AHNAK2: variants seen among roughly 807,000 people sequenced by gnomAD.
The protein encoded by AHNAK2 is AHNAK nucleoprotein 2.
AHNAK2 carries 18 observed loss-of-function variants against 30.7 expected under a neutral mutation model. The observed-to-expected ratio is 0.59, with a 90% CI of 0.41 to 0.87. The LOEUF is 0.87. Ranked by LOEUF, AHNAK2 falls within the 40% of genes least tolerant of loss-of-function variation. The pLI, the probability that AHNAK2 is intolerant of heterozygous loss-of-function variation, is 0.00. For missense variants in AHNAK2, 8,604 were observed against 7,373.0 expected, an observed-to-expected ratio of 1.17 and a Z score of -6.11; for synonymous variants, 3,590 against 3,073.8, an observed-to-expected ratio of 1.17 and a Z score of -5.56.
At chr14:104,976,297 G>T (rs983093951) in intron 1 of AHNAK2, among the ~76,000 whole-genome samples, 3 of 152,178 alleles carry the variant, frequency 2.0e-5, no homozygotes, top group Non-Finnish European at 4.4e-5. Flanking sequence ...GGGCAGCCTC[G>T]GCACAAAAGC....
chr14:104,960,191 T>C (rs912554569), intron 1 of AHNAK2, among the ~76,000 whole-genome samples: 2 of 152,186 alleles, frequency 1.3e-5, no homozygotes, highest in Non-Finnish European at 2.9e-5. Context: ...ATAGATACAG[T>C]ATATACGTGA....
Position 104,948,457 on chromosome 14 carries a change from C to G in AHNAK2, c.6994G>C (p.Ala2332Pro). 6.2e-7 allele frequency: 1 copy of G among 1,610,740 alleles called. No individual in the cohort carries two copies. Among genetic ancestry groups the G allele is most frequent in the Non-Finnish European group, 8.5e-7 (1 of 1,178,568 alleles). The stretch of plus-strand genomic sequence containing the variant: ...GAGGCCTCGATGGACTTGCCAAGGG[C>G]AGACACCCCAAACGACAGCATCTTG... The part of the protein sequence containing the change: ...KFKMLSFGVS[A>P]LGKSIEASAD... Residue 2332 changes from alanine (A) to proline (P), a missense_variant, in exon 7 of 7, where the codon GCC becomes CCC. Physicochemically the swap from Ala to Pro is conservative, Grantham distance 27. Coordinates refer to ENST00000333244, the MANE Select transcript of AHNAK2 (RefSeq NM_138420.4).
chr14:104,957,376 TG>T (rs35009815), intron 3 of AHNAK2, 33 bp downstream of exon 3: 2 of 1,541,398 alleles, frequency 1.3e-6, no homozygotes, highest in Non-Finnish European at 1.8e-6. Context: ...GGAGGAGACC[TG>T]GGTGCCTGTG....
rs770434550 is a variant in AHNAK2, at chr14:104,942,999, G to A, written c.12452C>T (p.Ser4151Phe). Residue 4151 changes from serine to phenylalanine, a missense_variant, in exon 7 of 7, where the codon TCC becomes TTC. Ser to Phe is a radical substitution (Grantham distance 155). Coordinates refer to ENST00000333244, the MANE Select transcript of AHNAK2 (RefSeq NM_138420.4). ...AGACACATCCACGGACGCCTCCATG[G>A]ACTTGCCTGGGGCCGACACCCCGAA... ...PSFGVSAPGK[S>F]MEASVDVSEL... 19 of 1,613,150 alleles carry A rather than the reference G, an allele frequency of 1.2e-5. No individual in the cohort carries two copies. Among genetic ancestry groups the A allele is most frequent in the Non-Finnish European group, 4.2e-6 (5 of 1,179,602 alleles).
chr14:104,973,370 C>T (rs1295062857), intron 1 of AHNAK2, among the ~76,000 whole-genome samples: 1 of 152,210 alleles, frequency 6.6e-6, no homozygotes, highest in Non-Finnish European at 1.5e-5. Context: ...TGAAGCTCGG[C>T]ATTCTCAGGG....
chr14:104,972,586 C>T (rs1301352366), intron 1 of AHNAK2, among the ~76,000 whole-genome samples: 2 of 152,182 alleles, frequency 1.3e-5, no homozygotes, highest in African/African-American at 4.8e-5. Flanking sequence ...CTGGCCACAG[C>T]GCTGGCCACG....
chr14:104,944,503 C>A lies in AHNAK2; in HGVS notation c.10948G>T (p.Val3650Leu), dbSNP rs764655137. The A allele has an allele frequency of 1.2e-6, 2 of 1,613,058 alleles. No individual in the cohort carries two copies. Among genetic ancestry groups the A allele is most frequent in the South Asian group, 1.1e-5 (1 of 91,020 alleles). ...MPKFKMPSFR[V>L]SAPGKSMEAS... ...TCCATGGACTTCCCTGGGGCCGATA[C>A]CCTGAATGACGGCATCTTGAATTTG... Residue 3650 changes from valine to leucine, a missense_variant, in exon 7 of 7, where the codon GTA (valine) becomes TTA (leucine). Val to Leu is a conservative substitution (Grantham distance 32). Coordinates refer to ENST00000333244, the MANE Select transcript of AHNAK2 (RefSeq NM_138420.4).
chr14:104,944,294 C>G lies in AHNAK2; in HGVS notation c.11157G>C (p.Glu3719Asp), dbSNP rs113647701. 4.3e-6 allele frequency: 7 copies of G among 1,611,098 alleles called. No individual in the cohort carries two copies. Among genetic ancestry groups the G allele is most frequent in the Non-Finnish European group, 5.9e-6 (7 of 1,178,818 alleles). The change falls in exon 7 of 7, where the codon GAG becomes GAC. Residue 3719 changes from glutamate (E) to aspartate (D), a missense_variant. Coordinates refer to ENST00000333244, the MANE Select transcript of AHNAK2 (RefSeq NM_138420.4). Reference sequence around the variant, plus strand: ...TGGGCATCTCCACCTTGGGCAGGTGCTCTTTGAGGCCGGCTCCCTCGGGCA... The same window carrying G: ...TGGGCATCTCCACCTTGGGCAGGTGGTCTTTGAGGCCGGCTCCCTCGGGCA... ...GQVPEGAGLKEHLPKVEMPSL... is the reference protein window; with the variant it reads ...GQVPEGAGLKDHLPKVEMPSL...
chr14:104,955,242 G>T, intron 5 of AHNAK2, 101 bp from the exon 6 acceptor site: 1 of 1,407,312 alleles, frequency 7.1e-7, no homozygotes, highest in South Asian at 1.3e-5. Context: ...CATGAATAGG[G>T]GGAATCCCAC....
Position 104,942,998 on chromosome 14 carries a change from G to A in AHNAK2, c.12453C>T (p.Ser4151=). Residue 4151 remains serine, a synonymous_variant, in exon 7 of 7, where the codon TCC becomes TCT. Transcript: ENST00000333244. ...CAGACACATCCACGGACGCCTCCAT[G>A]GACTTGCCTGGGGCCGACACCCCGA... ...PSFGVSAPGK[S]MEASVDVSEL... 1 of 1,613,264 alleles carries A rather than the reference G, an allele frequency of 6.2e-7. No individual in the cohort carries two copies. The highest frequency in any genetic ancestry group is 8.5e-7 in the Non-Finnish European group (1 of 1,179,622).
chr14:104,948,450 C>G lies in AHNAK2; in HGVS notation c.7001G>C (p.Gly2334Ala). The G allele has an allele frequency of 6.2e-7, 1 of 1,610,654 alleles. No individual in the cohort carries two copies. Among genetic ancestry groups the G allele is most frequent in the Non-Finnish European group, 8.5e-7 (1 of 1,178,542 alleles). The change falls in exon 7 of 7, where the codon GGC becomes GCC. Residue 2334 changes from glycine to alanine, a missense_variant. By Grantham distance (60) the Gly-to-Ala change is moderately conservative. Coordinates refer to ENST00000333244, the MANE Select transcript of AHNAK2 (RefSeq NM_138420.4). Reference sequence around the variant, plus strand: ...ATCCGCTGAGGCCTCGATGGACTTGCCAAGGGCAGACACCCCAAACGACAG... The same window carrying G: ...ATCCGCTGAGGCCTCGATGGACTTGGCAAGGGCAGACACCCCAAACGACAG... ...KMLSFGVSAL[G>A]KSIEASADVS...
Position 104,939,646 on chromosome 14 carries a change from G to A in AHNAK2, c.15805C>T (p.Leu5269=). 1.2e-6 allele frequency: 2 copies of A among 1,613,912 alleles called. No individual in the cohort carries two copies. Among genetic ancestry groups the A allele is most frequent in the East Asian group, 2.2e-5 (1 of 44,882 alleles). The change falls in exon 7 of 7, where the codon CTA becomes TTA. Residue 5269 remains leucine (L), a synonymous_variant. Transcript: ENST00000333244. ...CCTGTGCTGTCAAGATCACACCTTA[G>A]AATATCTGTGGATGATTTGCTCTCA... The part of the protein sequence containing the change: ...ASESKSSTDI[L]RCDLDSTGLK...
Position 104,944,331 on chromosome 14 carries a change from G to C in AHNAK2, c.11120C>G (p.Pro3707Arg), listed in dbSNP as rs371809062. The change falls in exon 7 of 7, where the codon CCG becomes CGG. Residue 3707 changes from proline to arginine, a missense_variant. Transcript: ENST00000333244. ...GGCTCCCTCGGGCACCTGGCCCTCCGGGAGCTTCACATCCATCTGGCCAGC... is the reference window on the plus strand; with the variant it reads ...GGCTCCCTCGGGCACCTGGCCCTCCCGGAGCTTCACATCCATCTGGCCAGC... ...VQAGQMDVKL[P>R]EGQVPEGAGL... 6.2e-7 allele frequency: 1 copy of C among 1,610,280 alleles called. No individual in the cohort carries two copies. The highest frequency in any genetic ancestry group is 8.5e-7 in the Non-Finnish European group (1 of 1,178,654).
Position 104,938,969 on chromosome 14 carries a change from C to T in AHNAK2, c.16482G>A (p.Arg5494=), listed in dbSNP as rs1158323950. 6.2e-7 allele frequency: 1 copy of T among 1,612,242 alleles called. No individual in the cohort carries two copies. The highest frequency in any genetic ancestry group is 8.5e-7 in the Non-Finnish European group (1 of 1,179,544). ...TPEFVDLSVP[R]TFSTQIVRES... is the part of the protein sequence containing the mutation. ...CCCGCACAATCTGAGTGGAAAAAGT[C>T]CTGGGTACTGAGAGATCTACAAACT... The change falls in exon 7 of 7, where the codon AGG becomes AGA. Residue 5494 remains arginine, a synonymous_variant. Coordinates refer to ENST00000333244, the MANE Select transcript of AHNAK2 (RefSeq NM_138420.4).
At position 104,947,291 on chromosome 14, in the gene AHNAK2, G is replaced by A. The variant is rs373499038; in HGVS notation, c.8160C>T (p.His2720=). 42 of 1,610,714 alleles carry A rather than the reference G, an allele frequency of 2.6e-5. No individual in the cohort carries two copies. Among genetic ancestry groups the A allele is most frequent in the South Asian group, 1.6e-4 (15 of 90,970 alleles). ...GQVDVKLPEG[H]VPEGAGLKGH... Reference sequence around the variant, plus strand: ...CTTTGAGGCCGGCTCCCTCGGGAACGTGGCCCTCTGGGAGTTTCACATCCA... The same window carrying A: ...CTTTGAGGCCGGCTCCCTCGGGAACATGGCCCTCTGGGAGTTTCACATCCA... Residue 2720 remains histidine, a synonymous_variant, in exon 7 of 7, where the codon CAC becomes CAT. Coordinates refer to ENST00000333244, the MANE Select transcript of AHNAK2 (RefSeq NM_138420.4).
In AHNAK2 at chr14:104,939,390, G is replaced by A. The variant is rs1279857259; in HGVS notation, c.16061C>T (p.Pro5354Leu). The A allele has an allele frequency of 4.3e-6, 7 of 1,613,548 alleles. No homozygotes were observed. In the Admixed American group the frequency reaches 1.0e-4, roughly 23 times the overall value. ...AGTACTTGAAGCTTTCAATTTAAGTGGACCTTCAGGCTGGGAAGACCATTT... is the reference window on the plus strand; with the variant it reads ...AGTACTTGAAGCTTTCAATTTAAGTAGACCTTCAGGCTGGGAAGACCATTT... Reference protein sequence around the residue: ...TEKWSSQPEGPLKLKASSTDM... With the variant: ...TEKWSSQPEGLLKLKASSTDM... The change falls in exon 7 of 7, where the codon CCA becomes CTA. Residue 5354 changes from proline (P) to leucine (L), a missense_variant. Physicochemically the swap from Pro to Leu is moderately conservative, Grantham distance 98 (BLOSUM62 -3). Coordinates refer to ENST00000333244, the MANE Select transcript of AHNAK2 (RefSeq NM_138420.4).
At position 104,948,013 on chromosome 14, in the gene AHNAK2, CT is replaced by C. The variant is rs1458801561; in HGVS notation, c.7437del (p.Asp2480ThrfsTer70). ...LSVADKDVTT[K>X]DSRFKIPKFK... The stretch of plus-strand genomic sequence containing the variant: ...AACTTGGGAATTTTGAACCTGCTGT[CT>C]TTGGTAGTCACATCCTTGTCCGCCA... On this transcript the variant is annotated frameshift_variant, in exon 7 of 7. Coordinates refer to ENST00000333244, the MANE Select transcript of AHNAK2 (RefSeq NM_138420.4). LOFTEE classifies it low-confidence loss of function (END_TRUNC). The C allele has an allele frequency of 1.2e-6, 2 of 1,612,552 alleles. No individual in the cohort carries two copies. The highest frequency in any genetic ancestry group is 1.7e-6 in the Non-Finnish European group (2 of 1,179,604).
intron 1 of AHNAK2, among the ~76,000 whole-genome samples, chr14:104,971,262 C>T (rs577678169): frequency 2.0e-4 from 30 of 152,030 alleles, no homozygotes; most frequent in Admixed American, 7.2e-4. Flanking sequence ...CTCCAGGTGA[C>T]GCCACCACAC....
chr14:104,943,867 C>A lies in AHNAK2; in HGVS notation c.11584G>T (p.Val3862Phe), dbSNP rs200758317. 1.7e-4 allele frequency: 277 copies of A among 1,612,848 alleles called. No individual in the cohort carries two copies. The highest frequency in any genetic ancestry group is 2.2e-4 in the Non-Finnish European group (262 of 1,179,544). The change falls in exon 7 of 7, where the codon GTC (valine) becomes TTC (phenylalanine). Residue 3862 changes from valine to phenylalanine, a missense_variant. Transcript: ENST00000333244. ...TTCATGTCCACCTGGCGAGCTTGGA[C>A]CGTCAGGTCGGCAGAATGGGGCTGA... ...SIQPHSADLT[V>F]QARQVDMKLL...
Sources: allele counts gnomAD v4.1 joint callset (sites outside exome capture counted in the v4.1 genomes callset), GRCh38; gene constraint gnomAD v4.1.1; transcripts MANE v1.5; gene names NCBI Gene and HGNC (gene_info 2026-07-23, HGNC 2026-07-21).